ALK: variants seen among roughly 807,000 people sequenced by gnomAD.
The protein encoded by ALK is ALK tyrosine kinase receptor.
A neutral mutation model predicts 163.1 loss-of-function variants in ALK; 74 were observed. That is an observed-to-expected ratio of 0.45 (90% CI 0.38 to 0.55). The LOEUF (loss-of-function observed/expected upper bound fraction) is 0.55. Among genes scored for constraint, ALK ranks in the 20% least tolerant of loss-of-function variants. ALK has a pLI of 0.00. For synonymous variants in ALK, 960 were observed against 843.2 expected (o/e 1.14, Z -2.40); for missense variants, 2,063 against 2,105.3 (o/e 0.98, Z 0.39).
chr2:29,749,599 C>G (rs1358637853), intron 1 of ALK, among the ~76,000 whole-genome samples: 1 of 152,178 alleles, frequency 6.6e-6, no homozygotes, highest in Non-Finnish European at 1.5e-5. Context: ...CTAACAGTTG[C>G]TGAGCAGGAG....
At position 29,505,806 on chromosome 2, in the gene ALK, G is replaced by GAA. The variant is rs56339658; in HGVS notation, c.1154+26107_1154+26108dup. Among the ~76,000 whole-genome samples the GAA allele has an allele frequency of 9.6e-3, 1,324 of 137,812 alleles. 10 individuals carry two copies. Among genetic ancestry groups the GAA allele is most frequent in the African/African-American group, 0.027 (980 of 36,000 alleles). The allele number at this position is 137,812 out of a possible 152,430, so 90.4% of individuals were successfully genotyped here. ...ATAATCTAAGGCAGCTACACTAATT[G>GAA]AAAAAAAAAAAAAAAGTCAGTTTGG... On this transcript the variant is annotated intron_variant, in intron 4 of 28. Transcript: ENST00000389048.
chr2:29,768,945 C>T (rs1005017591), intron 1 of ALK, among the ~76,000 whole-genome samples: 5 of 151,948 alleles, frequency 3.3e-5, no homozygotes, highest in African/African-American at 9.7e-5. Flanking sequence ...GCGATCCTCC[C>T]GCCTCAGCTT....
Position 29,193,363 on chromosome 2 carries a change from C to T in ALK, c.4724G>A (p.Arg1575His), listed in dbSNP as rs745349865. The change falls in exon 29 of 29, where the codon CGT becomes CAT. Residue 1575 changes from arginine to histidine, a missense_variant. Arg to His is a conservative substitution (Grantham distance 29). Coordinates refer to ENST00000389048, the MANE Select transcript of ALK (RefSeq NM_004304.5). ...ATTGACATTCCCACAAGGGAAGTGA[C>T]GTAGCCTGAACAGAGGTACCTCCTT... ...NMKEVPLFRLRHFPCGNVNYG... is the reference protein window; with the variant it reads ...NMKEVPLFRLHHFPCGNVNYG... 5.6e-6 allele frequency: 9 copies of T among 1,614,046 alleles called. No homozygotes were observed. The highest frequency in any genetic ancestry group is 7.6e-6 in the Non-Finnish European group (9 of 1,180,034).
chr2:29,652,811 G>T (rs988594470), intron 3 of ALK, among the ~76,000 whole-genome samples: 5 of 152,106 alleles, frequency 3.3e-5, no homozygotes, highest in Non-Finnish European at 7.4e-5. Context: ...ACCCAGAGAG[G>T]GCATGGGAGC....
At chr2:29,241,677 G>A (rs931337998) in intron 12 of ALK, among the ~76,000 whole-genome samples, 1 of 152,208 alleles carries the variant, frequency 6.6e-6, no homozygotes. Flanking sequence ...CAGGTGGATG[G>A]AGGGGGAAGC....
chr2:29,674,547 C>T (rs1177651292), intron 3 of ALK, among the ~76,000 whole-genome samples: 1 of 150,262 alleles, frequency 6.7e-6, no homozygotes, highest in Non-Finnish European at 1.5e-5. Context: ...GGTGGATAAG[C>T]TTTTTGATGT....
intron 6 of ALK, among the ~76,000 whole-genome samples, chr2:29,324,738 C>A (rs1667199078): frequency 6.6e-6 from 1 of 152,176 alleles, no homozygotes; most frequent in East Asian, 1.9e-4. Context: ...GTCACGAAGA[C>A]CCCCTTCAGT....
chr2:29,818,403 G>A (rs976967107), intron 1 of ALK, among the ~76,000 whole-genome samples: 1 of 152,188 alleles, frequency 6.6e-6, no homozygotes, highest in Admixed American at 6.5e-5. Flanking sequence ...CTCTGGGCAG[G>A]CCAAATTTAG....
intron 8 of ALK, among the ~76,000 whole-genome samples, chr2:29,312,665 C>T (rs937082928): frequency 1.3e-5 from 2 of 152,176 alleles, no homozygotes; most frequent in South Asian, 4.1e-4. Context: ...ACATTATGTC[C>T]TCCTGGGCAG....
intron 5 of ALK, among the ~76,000 whole-genome samples, chr2:29,363,017 A>G (rs1668420057): frequency 6.6e-6 from 1 of 152,154 alleles, no homozygotes; most frequent in Non-Finnish European, 1.5e-5. Context: ...GTTTCTGGGA[A>G]TGTTTTCATC....
chr2:29,881,246 A>T (rs55639052), intron 1 of ALK, among the ~76,000 whole-genome samples: 9,647 of 152,258 alleles, frequency 0.063, 428 homozygotes, highest in East Asian at 0.14. Flanking sequence ...AGGGCCACTA[A>T]GTGAACGCTG....
chr2:29,328,717 C>A (rs1418230957), intron 5 of ALK, among the ~76,000 whole-genome samples: 1 of 152,216 alleles, frequency 6.6e-6, no homozygotes, highest in East Asian at 1.9e-4. Context: ...GGGTATCTCA[C>A]TTTCTAGGAA....
chr2:29,750,398 C>T (rs1032274802), intron 1 of ALK, among the ~76,000 whole-genome samples: 5 of 152,058 alleles, frequency 3.3e-5, no homozygotes, highest in African/African-American at 1.2e-4. Context: ...CAGAGTGGCT[C>T]ATGCTTATAA....
chr2:29,434,069 T>C (rs1670341019), intron 4 of ALK, among the ~76,000 whole-genome samples: 1 of 152,102 alleles, frequency 6.6e-6, no homozygotes, highest in Admixed American at 6.5e-5. Flanking sequence ...GATGCTTGCT[T>C]GTGCCTGGAG....
intron 4 of ALK, among the ~76,000 whole-genome samples, chr2:29,501,077 A>G (rs1189747931): frequency 2.0e-5 from 3 of 151,842 alleles, no homozygotes; most frequent in Non-Finnish European, 4.4e-5. Context: ...CTCTTCTCTC[A>G]TCTTCTTATA....
intron 4 of ALK, among the ~76,000 whole-genome samples, chr2:29,464,631 A>AGT (rs1224550092): frequency 1.3e-5 from 2 of 152,082 alleles, no homozygotes; most frequent in Admixed American, 6.5e-5. Context: ...CAGATTAGAG[A>AGT]GTGTAGGGCA....
chr2:29,909,582 C>A (rs771730661), intron 1 of ALK, among the ~76,000 whole-genome samples: 4 of 151,852 alleles, frequency 2.6e-5, no homozygotes, highest in Non-Finnish European at 4.4e-5. Flanking sequence ...GTTGTGCATT[C>A]ATACAGTGAG....
intron 13 of ALK, among the ~76,000 whole-genome samples, chr2:29,236,073 C>A (rs1370618461): frequency 6.7e-6 from 1 of 150,174 alleles, no homozygotes; most frequent in Non-Finnish European, 1.5e-5. Context: ...TAGTCACTAA[C>A]TAAGCGATTC....
At chr2:29,196,888 TAAG>T in intron 27 of ALK, 28 bp from the exon 28 acceptor site, 2 of 1,538,312 alleles carry the variant, frequency 1.3e-6, no homozygotes, top group South Asian at 1.1e-5. Flanking sequence ...TTAATTAAAA[TAAG>T]GAGAAGCACA....
Sources: allele counts gnomAD v4.1 joint callset (sites outside exome capture counted in the v4.1 genomes callset), GRCh38; gene constraint gnomAD v4.1.1; transcripts MANE v1.5; gene names NCBI Gene and HGNC (gene_info 2026-07-23, HGNC 2026-07-21).